The following FNDC3A variants were observed in gnomAD, a reference collection of about 807,000 sequenced individuals.
FNDC3A encodes the protein fibronectin type-III domain-containing protein 3A.
In FNDC3A, 32 loss-of-function variants were observed where a neutral mutation model predicts 148.9. The ratio of observed to expected loss-of-function variants is 0.21; its 90% CI spans 0.16 to 0.29. The LOEUF is 0.29. FNDC3A is among the 10% of genes least tolerant of loss of function. FNDC3A has a pLI of 1.00. For synonymous variants in FNDC3A, 472 were observed against 473.6 expected (o/e 1.00, Z 0.04); for missense variants, 1,191 against 1,452.8 (o/e 0.82, Z 2.93).
intron 1 of FNDC3A, among the ~76,000 whole-genome samples, chr13:49,003,244 T>C (rs1952159265): frequency 6.6e-6 from 1 of 152,102 alleles, no homozygotes. Context: ...TTTTGTATGT[T>C]TAGTAGAGAC....
chr13:49,009,600 CTT>C (rs1456915653), intron 2 of FNDC3A, among the ~76,000 whole-genome samples: 1 of 152,152 alleles, frequency 6.6e-6, no homozygotes, highest in East Asian at 1.9e-4. Flanking sequence ...CTTGAGATAT[CTT>C]TTCCTGATAG....
At chr13:49,183,224 A>G (rs1364166752) in intron 14 of FNDC3A, among the ~76,000 whole-genome samples, 1 of 151,954 alleles carries the variant, frequency 6.6e-6, no homozygotes, top group Non-Finnish European at 1.5e-5. Context: ...CTCTTACCCA[A>G]GCTTCCCCTT....
At chr13:49,126,005 TTA>T (rs140943528) in intron 4 of FNDC3A, among the ~76,000 whole-genome samples, 7 of 152,340 alleles carry the variant, frequency 4.6e-5, no homozygotes, top group Non-Finnish European at 1.0e-4. Flanking sequence ...GAATTATATT[TTA>T]TCTTTTTTTT....
chr13:49,186,740 T>C (rs545689492), intron 15 of FNDC3A, among the ~76,000 whole-genome samples: 27 of 152,256 alleles, frequency 1.8e-4, no homozygotes, highest in African/African-American at 5.8e-4. Context: ...TGGTGGCACA[T>C]GCCTGTAGTC....
At chr13:49,001,275 G>A (rs748491113) in intron 1 of FNDC3A, among the ~76,000 whole-genome samples, 2 of 152,122 alleles carry the variant, frequency 1.3e-5, no homozygotes, top group Non-Finnish European at 2.9e-5. Context: ...ATACCCTTGT[G>A]ATTTCCTGTG....
At chr13:49,011,289 A>G (rs1952338818) in intron 2 of FNDC3A, among the ~76,000 whole-genome samples, 1 of 151,630 alleles carries the variant, frequency 6.6e-6, no homozygotes, top group Non-Finnish European at 1.5e-5. Context: ...GCTGGAGTGC[A>G]GTGGCGTGAT....
chr13:49,161,204 A>G (rs576376862), intron 8 of FNDC3A, among the ~76,000 whole-genome samples: 2 of 152,178 alleles, frequency 1.3e-5, no homozygotes, highest in African/African-American at 4.8e-5. Context: ...TGATCTGTCT[A>G]ATGTTGACAG....
intron 2 of FNDC3A, among the ~76,000 whole-genome samples, chr13:49,036,257 T>TA (rs1365516677): frequency 1.3e-5 from 2 of 152,190 alleles, no homozygotes; most frequent in Non-Finnish European, 2.9e-5. Flanking sequence ...CATCCCGAGA[T>TA]ATATTGTCTA....
chr13:49,204,814 G>A (rs1886574869), intron 25 of FNDC3A, among the ~76,000 whole-genome samples: 1 of 152,058 alleles, frequency 6.6e-6, no homozygotes, highest in East Asian at 1.9e-4. Flanking sequence ...CCTGCTTAGA[G>A]GTCTTCCCAC....
intron 3 of FNDC3A, among the ~76,000 whole-genome samples, chr13:49,099,517 A>G (rs767629942): frequency 5.3e-5 from 8 of 152,142 alleles, no homozygotes; most frequent in Non-Finnish European, 1.2e-4. Context: ...TATAGGTTAA[A>G]TAAATAAATA....
chr13:49,201,129 T>C, intron 23 of FNDC3A: 1 of 296,100 alleles, frequency 3.4e-6, no homozygotes, highest in South Asian at 3.1e-5. Flanking sequence ...TCCAAAAATT[T>C]TAGAAACATC....
Position 49,110,776 on chromosome 13 carries a change from T to TA in FNDC3A, c.176-3871dup, listed in dbSNP as rs535727982. On this transcript the variant is annotated intron_variant, in intron 3 of 25. Coordinates refer to ENST00000492622, the MANE Select transcript of FNDC3A (RefSeq NM_001079673.2). The stretch of plus-strand genomic sequence containing the variant: ...TCCTGGACAAATTTGTAATTTTATT[T>TA]AAAAAAAACCTCTTAAATATGAATG... 5.1e-4 allele frequency among the ~76,000 whole-genome samples: 78 copies of TA among 152,086 alleles called. 1 individual carries two copies. The South Asian group carries it at 0.01, about 20-fold the overall frequency.
chr13:49,128,091 A>G (rs373389093), intron 4 of FNDC3A, among the ~76,000 whole-genome samples: 1 of 152,112 alleles, frequency 6.6e-6, no homozygotes, highest in East Asian at 1.9e-4. Flanking sequence ...CATATTGGCC[A>G]GGCTGGTCTC....
At chr13:49,092,270 AAGTAAC>A (rs1170991618) in intron 3 of FNDC3A, among the ~76,000 whole-genome samples, 1 of 152,224 alleles carries the variant, frequency 6.6e-6, no homozygotes, top group African/African-American at 2.4e-5. Flanking sequence ...AAATGGGCTG[AAGTAAC>A]ATACCCAGAT....
intron 1 of FNDC3A, among the ~76,000 whole-genome samples, chr13:48,983,011 C>T (rs1480007462): frequency 6.6e-6 from 1 of 152,120 alleles, no homozygotes; most frequent in Non-Finnish European, 1.5e-5. Context: ...TAATCATTGT[C>T]ACTCAGGCAT....
chr13:49,097,322 A>T (rs1168428083), intron 3 of FNDC3A, among the ~76,000 whole-genome samples: 3 of 152,070 alleles, frequency 2.0e-5, no homozygotes, highest in Admixed American at 1.3e-4. Context: ...AGTTAAAAAA[A>T]AAAAAAACTT....
chr13:49,019,208 C>T (rs967433585), intron 2 of FNDC3A, among the ~76,000 whole-genome samples: 8 of 152,250 alleles, frequency 5.3e-5, no homozygotes, highest in Non-Finnish European at 8.8e-5. Context: ...AGCCTCGCTG[C>T]TGCCTTGCAG....
intron 1 of FNDC3A, among the ~76,000 whole-genome samples, chr13:48,977,130 A>T (rs1015560486): frequency 7.2e-5 from 11 of 152,096 alleles, no homozygotes; most frequent in African/African-American, 2.7e-4. Context: ...GTTCCTTTGG[A>T]CACCTTTGTG....
chr13:49,035,897 G>A (rs1028907456), intron 2 of FNDC3A, among the ~76,000 whole-genome samples: 1 of 151,980 alleles, frequency 6.6e-6, no homozygotes, highest in Non-Finnish European at 1.5e-5. Context: ...ATTCAAATTC[G>A]TTAGTTTGAT....
Sources: allele counts gnomAD v4.1 joint callset (sites outside exome capture counted in the v4.1 genomes callset), GRCh38; gene constraint gnomAD v4.1.1; transcripts MANE v1.5; gene names NCBI Gene and HGNC (gene_info 2026-07-23, HGNC 2026-07-21).